APBB2: variants seen among roughly 807,000 people sequenced by gnomAD.
The protein encoded by APBB2 is amyloid beta precursor protein binding family B member 2.
APBB2 carries 38 observed loss-of-function variants against 82.5 expected under a neutral mutation model. That is an observed-to-expected ratio of 0.46 (90% CI 0.36 to 0.60). The LOEUF is 0.60. Ranked by LOEUF, APBB2 falls within the 20% of genes least tolerant of loss-of-function variation. The probability of loss-of-function intolerance (pLI) is 0.00; values close to 1 mark genes in which losing one functional copy is unlikely to be tolerated. For synonymous variants in APBB2, 341 were observed against 368.2 expected, an observed-to-expected ratio of 0.93 and a Z score of 0.85; for missense variants, 772 against 972.3, an observed-to-expected ratio of 0.79 and a Z score of 2.74.
At chr4:40,837,595 C>T (rs1438598491) in intron 12 of APBB2, among the ~76,000 whole-genome samples, 1 of 152,232 alleles carries the variant, frequency 6.6e-6, no homozygotes, top group Non-Finnish European at 1.5e-5. Context: ...GATCATCAGA[C>T]ACGATCTGTC....
chr4:41,047,059 G>T (rs1175642059), intron 4 of APBB2, among the ~76,000 whole-genome samples: 1 of 152,190 alleles, frequency 6.6e-6, no homozygotes, highest in East Asian at 1.9e-4. Context: ...GAACAGAATT[G>T]CAAAATTGTT....
chr4:41,129,013 A>G (rs907507450), intron 2 of APBB2, among the ~76,000 whole-genome samples: 15 of 151,744 alleles, frequency 9.9e-5, no homozygotes, highest in African/African-American at 3.6e-4. Context: ...TCCCTCCATC[A>G]CACACCGTGT....
At chr4:40,853,215 C>T (rs1760047025) in intron 12 of APBB2, among the ~76,000 whole-genome samples, 1 of 152,178 alleles carries the variant, frequency 6.6e-6, no homozygotes, top group South Asian at 2.1e-4. Context: ...GGCTAGCCAA[C>T]TGGTCCCTCG....
Position 41,064,050 on chromosome 4 carries a change from T to A in APBB2, c.-51+1526A>T, listed in dbSNP as rs1365428825. ...CTGGAGTGCAGTGGCGCGATCTCGG[T>A]TCACTGCAAGCTCCGCTTCCCGGGT... is the stretch of plus-strand genomic sequence containing the variant. On this transcript the variant is annotated intron_variant, in intron 4 of 17. Transcript: ENST00000508593. 2.3e-5 allele frequency among the ~76,000 whole-genome samples: 3 copies of A among 129,166 alleles called. No homozygotes were observed. In the South Asian group the frequency reaches 7.6e-4, roughly 33 times the overall value. The allele number at this position is 129,166 out of a possible 152,430, so 84.7% of individuals were successfully genotyped here.
intron 2 of APBB2, among the ~76,000 whole-genome samples, chr4:41,114,292 T>TTA (rs1024315792): frequency 3.3e-5 from 5 of 152,056 alleles, no homozygotes; most frequent in Non-Finnish European, 7.4e-5. Flanking sequence ...GCTAAAAACT[T>TTA]AATAAACTAG....
chr4:41,157,178 G>A (rs965827461), intron 1 of APBB2, among the ~76,000 whole-genome samples: 8 of 152,042 alleles, frequency 5.3e-5, no homozygotes, highest in Admixed American at 4.6e-4. Flanking sequence ...AGCAAGTGGC[G>A]ATTTCTATCG....
At chr4:41,168,647 T>C (rs1224063120) in intron 1 of APBB2, among the ~76,000 whole-genome samples, 1 of 152,236 alleles carries the variant, frequency 6.6e-6, no homozygotes, top group African/African-American at 2.4e-5. Flanking sequence ...AAAAGTCCCA[T>C]TCCTCAGACC....
chr4:41,047,505 T>C (rs927998633), intron 4 of APBB2, among the ~76,000 whole-genome samples: 8 of 152,234 alleles, frequency 5.3e-5, no homozygotes, highest in African/African-American at 1.9e-4. Flanking sequence ...AGGGCTTCCT[T>C]TGGGCTAAAT....
chr4:41,155,321 A>G (rs1402462491), intron 1 of APBB2, among the ~76,000 whole-genome samples: 2 of 152,206 alleles, frequency 1.3e-5, no homozygotes, highest in African/African-American at 4.8e-5. Flanking sequence ...TGATTCAGAG[A>G]GAAACAGAAC....
intron 6 of APBB2, among the ~76,000 whole-genome samples, chr4:40,961,796 C>T (rs1793384017): frequency 6.6e-6 from 1 of 151,556 alleles, no homozygotes; most frequent in Non-Finnish European, 1.5e-5. Flanking sequence ...ATTCATTTTC[C>T]ACCACCCACC....
chr4:40,931,258 C>A (rs985975731), intron 10 of APBB2, among the ~76,000 whole-genome samples: 1 of 152,100 alleles, frequency 6.6e-6, no homozygotes, highest in African/African-American at 2.4e-5. Flanking sequence ...AGGAATGACT[C>A]CGATAGGGGA....
chr4:40,872,480 A>G (rs541277696), intron 12 of APBB2, among the ~76,000 whole-genome samples: 1 of 152,272 alleles, frequency 6.6e-6, no homozygotes, highest in Admixed American at 6.5e-5. Context: ...CCATGTCATT[A>G]CCTGTCTGTT....
intron 10 of APBB2, among the ~76,000 whole-genome samples, chr4:40,930,437 G>C (rs1471716370): frequency 2.5e-5 from 1 of 40,082 alleles, no homozygotes; most frequent in Non-Finnish European, 5.6e-5. Context: ...GTGTGTGTGT[G>C]TGTGTGTGTG....
chr4:41,202,370 C>T (rs1776907641), intron 1 of APBB2, among the ~76,000 whole-genome samples: 1 of 152,078 alleles, frequency 6.6e-6, no homozygotes, highest in Non-Finnish European at 1.5e-5. Flanking sequence ...CTTTTGTTCC[C>T]AATTAGTTTG....
chr4:40,832,293 C>G lies in APBB2; in HGVS notation c.1530-1716G>C, dbSNP rs542950608. ...CAACTGGCCATCGTGAAGGTCTGGC[C>G]GGAAAACCCTGCCTCGCAACCTCAC... On this transcript the variant is annotated intron_variant, in intron 12 of 17. Coordinates refer to ENST00000508593, the MANE Select transcript of APBB2 (RefSeq NM_004307.2). This position sits in a 1 kb window ranked among gnomAD's most constrained non-coding sequence, Gnocchi z 4.8. 7.9e-5 allele frequency among the ~76,000 whole-genome samples: 12 copies of G among 152,268 alleles called. No individual in the cohort carries two copies. The highest frequency in any genetic ancestry group is 2.9e-4 in the African/African-American group (12 of 41,546).
intron 3 of APBB2, among the ~76,000 whole-genome samples, chr4:41,073,320 A>G (rs940521272): frequency 2.0e-5 from 3 of 152,130 alleles, no homozygotes; most frequent in Non-Finnish European, 4.4e-5. Flanking sequence ...ACAACTTCCT[A>G]TCTAAGTTCT....
At chr4:40,991,175 C>CTTTTTTT (rs58342460) in intron 6 of APBB2, among the ~76,000 whole-genome samples, 1 of 90,496 alleles carries the variant, frequency 1.1e-5, no homozygotes, top group African/African-American at 4.3e-5. Flanking sequence ...GTGTGTTTTG[C>CTTTTTTT]TTTTTTTTTT....
chr4:40,839,957 G>A (rs978360540), intron 12 of APBB2, among the ~76,000 whole-genome samples: 17 of 152,064 alleles, frequency 1.1e-4, no homozygotes, highest in African/African-American at 2.2e-4. Context: ...GAGCCATTGC[G>A]CCTGGCCCCA....
chr4:41,038,233 A>AATAAATAG (rs1560586199), intron 4 of APBB2, among the ~76,000 whole-genome samples: 2 of 150,852 alleles, frequency 1.3e-5, no homozygotes, highest in Non-Finnish European at 2.9e-5. Context: ...TAAATAAATA[A>AATAAATAG]ATAGATAAAT....
Sources: gnomAD v4.1 joint callset for allele counts (sites outside exome capture counted in the v4.1 genomes callset) on GRCh38, gnomAD v4.1.1 for gene constraint, Gnocchi (gnomAD v3.1) non-coding constraint, MANE v1.5 for transcripts, NCBI Gene and HGNC (gene_info 2026-07-23, HGNC 2026-07-21) for gene names.